Variants in PLPPR1 observed in about 807,000 individuals in gnomAD.
PLPPR1 encodes phospholipid phosphatase-related protein type 1.
In PLPPR1, 10 loss-of-function variants were observed where a neutral mutation model predicts 33.1. The observed-to-expected ratio is 0.30, with a 90% confidence interval of 0.19 to 0.51. The LOEUF (loss-of-function observed/expected upper bound fraction) is 0.51, where lower values mean the gene tolerates loss of function less well. PLPPR1 is among the 20% of genes least tolerant of loss of function. The probability of loss-of-function intolerance (pLI) is 0.97; values close to 1 mark genes in which losing one functional copy is unlikely to be tolerated. For synonymous variants in PLPPR1, 151 were observed against 151.0 expected (o/e 1.00, Z 0.00); for missense variants, 304 against 408.1 (o/e 0.74, Z 2.20).
Position 101,211,018 on chromosome 9 carries a change from C to T in PLPPR1, c.63+25461C>T, listed in dbSNP as rs995348533. ...TCCTGACCTCACGATCCACCTGCCT[C>T]GACCTCCCAAAGTGCTGGGATTACA... On this transcript the variant is annotated intron_variant, in intron 2 of 7. Transcript: ENST00000374874. Among the ~76,000 whole-genome samples, 11 of 152,288 alleles carry T rather than the reference C, an allele frequency of 7.2e-5. No individual in the cohort carries two copies. In the South Asian group the frequency reaches 1.2e-3, roughly 17 times the overall value.
intron 1 of PLPPR1, among the ~76,000 whole-genome samples, chr9:101,140,587 T>C (rs543275484): frequency 6.6e-5 from 10 of 152,326 alleles, no homozygotes; most frequent in African/African-American, 2.2e-4. Context: ...TGTGGAAGAC[T>C]AAATAGCCCC....
chr9:101,089,418 A>G (rs1386664621), intron 1 of PLPPR1, among the ~76,000 whole-genome samples: 1 of 152,168 alleles, frequency 6.6e-6, no homozygotes, highest in African/African-American at 2.4e-5. Context: ...TATTCTCATG[A>G]TTATATTCAC....
chr9:101,278,647 C>T (rs911265835), intron 3 of PLPPR1, among the ~76,000 whole-genome samples: 2 of 152,138 alleles, frequency 1.3e-5, no homozygotes, highest in Non-Finnish European at 1.5e-5. Context: ...CAGCGAAATC[C>T]AGCATCAGGC....
chr9:101,208,341 G>A lies in PLPPR1; in HGVS notation c.63+22784G>A, dbSNP rs552273247. 3.9e-5 allele frequency among the ~76,000 whole-genome samples: 6 copies of A among 152,272 alleles called. No homozygotes were observed. The South Asian group carries it at 1.2e-3, about 32-fold the overall frequency. ...TCCTCTGGAGACACACATGGAGAATGTCTCTTGAACCTGAGCATTTGTCAG... is the reference window on the plus strand; with the variant it reads ...TCCTCTGGAGACACACATGGAGAATATCTCTTGAACCTGAGCATTTGTCAG... On this transcript the variant is annotated intron_variant, in intron 2 of 7. Coordinates refer to ENST00000374874, the MANE Select transcript of PLPPR1 (RefSeq NM_207299.2).
At chr9:101,098,498 T>A (rs778057954) in intron 1 of PLPPR1, among the ~76,000 whole-genome samples, 17 of 151,980 alleles carry the variant, frequency 1.1e-4, no homozygotes, top group Non-Finnish European at 2.1e-4. Flanking sequence ...CTGTCAGTGA[T>A]AACTAAACTC....
chr9:101,261,954 C>A (rs1827906335), intron 2 of PLPPR1, among the ~76,000 whole-genome samples: 1 of 151,884 alleles, frequency 6.6e-6, no homozygotes, highest in Non-Finnish European at 1.5e-5. Flanking sequence ...CAAACCCGTA[C>A]ATCCTGCACA....
intron 2 of PLPPR1, among the ~76,000 whole-genome samples, chr9:101,221,206 G>A (rs567513701): frequency 2.0e-5 from 3 of 152,156 alleles, no homozygotes; most frequent in East Asian, 1.9e-4. Flanking sequence ...AGCAGTATAC[G>A]CTGCACTGTA....
At chr9:101,284,602 G>A (rs1249445087) in intron 3 of PLPPR1, among the ~76,000 whole-genome samples, 1 of 152,176 alleles carries the variant, frequency 6.6e-6, no homozygotes, top group African/African-American at 2.4e-5. Context: ...TTTAATGCAT[G>A]TGTTCTAGAG....
intron 2 of PLPPR1, among the ~76,000 whole-genome samples, chr9:101,200,045 C>G (rs1157746599): frequency 6.6e-6 from 1 of 152,122 alleles, no homozygotes; most frequent in Admixed American, 6.5e-5. Flanking sequence ...AGTTCTGGAA[C>G]AGATAGGATT....
chr9:101,115,246 G>A (rs572530179), intron 1 of PLPPR1, among the ~76,000 whole-genome samples: 88 of 152,332 alleles, frequency 5.8e-4, no homozygotes, highest in Non-Finnish European at 1.1e-3. Flanking sequence ...AGGAATGCAC[G>A]GGAAAAGAGG....
In PLPPR1 at chr9:101,182,735, T is replaced by C. The variant is rs1171932983; in HGVS notation, c.-45-2715T>C. 2.6e-5 allele frequency among the ~76,000 whole-genome samples: 4 copies of C among 151,540 alleles called. No homozygotes were observed. In the East Asian group the frequency reaches 7.7e-4, roughly 29 times the overall value. On this transcript the variant is annotated intron_variant, in intron 1 of 7. Coordinates refer to ENST00000374874, the MANE Select transcript of PLPPR1 (RefSeq NM_207299.2). ...ACGTAAGCAAAAGACTGGAAGAAAATATTGAAAATATGTATCTGATAAAGA... is the reference window on the plus strand; with the variant it reads ...ACGTAAGCAAAAGACTGGAAGAAAACATTGAAAATATGTATCTGATAAAGA...
At chr9:101,222,205 C>T (rs999328215) in intron 2 of PLPPR1, among the ~76,000 whole-genome samples, 1 of 152,224 alleles carries the variant, frequency 6.6e-6, no homozygotes, top group African/African-American at 2.4e-5. Context: ...ACAGTCCCAT[C>T]ATAAGGCAAC....
At chr9:101,106,111 G>C (rs1830965484) in intron 1 of PLPPR1, among the ~76,000 whole-genome samples, 1 of 151,414 alleles carries the variant, frequency 6.6e-6, no homozygotes. Flanking sequence ...CAACTTGCCA[G>C]TCTGTGTCTT....
intron 2 of PLPPR1, among the ~76,000 whole-genome samples, chr9:101,227,424 A>C (rs1827094427): frequency 2.0e-5 from 3 of 152,076 alleles, no homozygotes; most frequent in Non-Finnish European, 4.4e-5. Context: ...GTTTTTTCAT[A>C]GGTTGGTTGT....
intron 1 of PLPPR1, among the ~76,000 whole-genome samples, chr9:101,169,461 C>G (rs1332228379): frequency 6.6e-6 from 1 of 152,126 alleles, no homozygotes; most frequent in Non-Finnish European, 1.5e-5. Context: ...TAGCAGTTCT[C>G]CTCGTGGTGG....
At chr9:101,040,706 A>T (rs573709401) in intron 1 of PLPPR1, among the ~76,000 whole-genome samples, 2 of 151,960 alleles carry the variant, frequency 1.3e-5, no homozygotes, top group African/African-American at 4.8e-5. Context: ...TTAACTCTTT[A>T]CTCTGATTTG....
intron 2 of PLPPR1, among the ~76,000 whole-genome samples, chr9:101,209,142 T>A (rs1826639907): frequency 6.6e-6 from 1 of 152,244 alleles, no homozygotes; most frequent in Admixed American, 6.5e-5. Context: ...TCAGAAAGTC[T>A]GTGGGGTAGG....
chr9:101,124,415 C>A (rs1294592336), intron 1 of PLPPR1, among the ~76,000 whole-genome samples: 1 of 152,170 alleles, frequency 6.6e-6, no homozygotes, highest in Non-Finnish European at 1.5e-5. Flanking sequence ...GTAGGTAAAA[C>A]CCTGGTGCTC....
At chr9:101,177,565 A>G (rs1272879859) in intron 1 of PLPPR1, among the ~76,000 whole-genome samples, 2 of 152,202 alleles carry the variant, frequency 1.3e-5, no homozygotes, top group Non-Finnish European at 2.9e-5. Context: ...GTTGTTCCAA[A>G]TAGCACTTCT....
Sources: allele counts gnomAD v4.1 joint callset (sites outside exome capture counted in the v4.1 genomes callset), GRCh38; gene constraint gnomAD v4.1.1; transcripts MANE v1.5; gene names NCBI Gene and HGNC (gene_info 2026-07-23, HGNC 2026-07-21).